Variants in GNAQ observed in about 807,000 individuals in gnomAD.
GNAQ encodes the protein G protein subunit alpha q.
A neutral mutation model predicts 43.9 loss-of-function variants in GNAQ; 8 were observed. That is an observed-to-expected ratio of 0.18 (90% confidence interval 0.11 to 0.33). The LOEUF is 0.33. Ranked by LOEUF, GNAQ falls within the 10% of genes least tolerant of loss-of-function variation. The pLI is 1.00. For synonymous variants in GNAQ, 155 were observed against 170.7 expected, an observed-to-expected ratio of 0.91 and a Z score of 0.71; for missense variants, 158 against 450.8, an observed-to-expected ratio of 0.35 and a Z score of 5.88.
At chr9:77,849,623 C>A (rs1348851754) in intron 2 of GNAQ, among the ~76,000 whole-genome samples, 1 of 152,196 alleles carries the variant, frequency 6.6e-6, no homozygotes, top group Non-Finnish European at 1.5e-5. Context: ...ACCTCCACCA[C>A]AGTTCCACAA....
chr9:77,872,923 G>T (rs991177026), intron 2 of GNAQ, among the ~76,000 whole-genome samples: 1 of 152,204 alleles, frequency 6.6e-6, no homozygotes, highest in Non-Finnish European at 1.5e-5. Context: ...AAACTCCAAG[G>T]TGGAGTCTGA....
intron 1 of GNAQ, among the ~76,000 whole-genome samples, chr9:78,004,773 G>A (rs1215260854): frequency 6.6e-6 from 1 of 152,062 alleles, no homozygotes; most frequent in Non-Finnish European, 1.5e-5. Context: ...ATTTAACATG[G>A]GTTTTGAAAC....
At chr9:77,812,325 C>T (rs369100003) in intron 3 of GNAQ, among the ~76,000 whole-genome samples, 11 of 152,132 alleles carry the variant, frequency 7.2e-5, no homozygotes, top group South Asian at 2.1e-4. Flanking sequence ...GGTGCCACTA[C>T]CCTAACGCCA....
chr9:77,826,134 G>C (rs1033118139), intron 2 of GNAQ, among the ~76,000 whole-genome samples: 10 of 152,124 alleles, frequency 6.6e-5, no homozygotes, highest in African/African-American at 1.9e-4. Context: ...CTATTGTCAA[G>C]AATAATGAGA....
intron 1 of GNAQ, among the ~76,000 whole-genome samples, chr9:77,969,604 T>C (rs1435257456): frequency 6.6e-6 from 1 of 152,220 alleles, no homozygotes; most frequent in Non-Finnish European, 1.5e-5. Context: ...ATTTTACTAA[T>C]ACACTAACAG....
In GNAQ at chr9:77,975,816, G is replaced by A. The variant is rs529389993; in HGVS notation, c.137-53471C>T. Among the ~76,000 whole-genome samples the A allele has an allele frequency of 1.4e-3, 217 of 152,188 alleles. 2 individuals carry two copies. The highest frequency in any genetic ancestry group is 3.9e-3 in the African/African-American group (163 of 41,516). On this transcript the variant is annotated intron_variant, in intron 1 of 6. Transcript: ENST00000286548. The stretch of plus-strand genomic sequence containing the variant: ...CTCCCAAAGTGCTGGGATTACAGGC[G>A]TGAGCCACTGCGCTCAGCCCCGTTA...
rs80172421 is a variant in GNAQ, at chr9:77,826,438, C to A, written c.322-10668G>T. Among the ~76,000 whole-genome samples the A allele has an allele frequency of 6.5e-3, 983 of 152,274 alleles. 5 individuals are homozygous for A. The highest frequency in any genetic ancestry group is 0.021 in the African/African-American group (886 of 41,550). Reference sequence around the variant, plus strand: ...TTCCTGGCTAGAATCCATTAAAAAACGTGCACCTGGGATCTTCTGATGTTC... The same window carrying A: ...TTCCTGGCTAGAATCCATTAAAAAAAGTGCACCTGGGATCTTCTGATGTTC... On this transcript the variant is annotated intron_variant, in intron 2 of 6. Transcript: ENST00000286548.
intron 2 of GNAQ, among the ~76,000 whole-genome samples, chr9:77,878,076 T>C (rs1269730320): frequency 6.6e-6 from 1 of 152,190 alleles, no homozygotes. Context: ...TGCTGGCAAC[T>C]GGCAGAGTTT....
intron 1 of GNAQ, among the ~76,000 whole-genome samples, chr9:77,966,902 A>G (rs1823174195): frequency 6.6e-6 from 1 of 152,124 alleles, no homozygotes; most frequent in African/African-American, 2.4e-5. Context: ...CACCAGGTCC[A>G]CTGCCTCTGC....
intron 6 of GNAQ, among the ~76,000 whole-genome samples, chr9:77,723,615 G>C (rs1825353288): frequency 6.6e-6 from 1 of 152,152 alleles, no homozygotes; most frequent in Non-Finnish European, 1.5e-5. Context: ...CCATAAAAAA[G>C]AGTAAAGCTC....
In GNAQ at chr9:78,031,228, A is replaced by C. The variant is rs1824054666; in HGVS notation, c.8T>G (p.Leu3Arg). 2 of 1,523,424 alleles carry C rather than the reference A, an allele frequency of 1.3e-6. No homozygotes were observed. Among genetic ancestry groups the C allele is most frequent in the African/African-American group, 2.9e-5 (2 of 70,020 alleles). 94.4% of individuals were successfully genotyped at this position (1,523,424 alleles called of 1,614,324 possible). MT[L>R]ESIMACCLSE... ...CAGGCAGCACGCCATGATGGACTCC[A>C]GAGTCATTCTTCCAAAGTGCCTCCG... Residue 3 changes from leucine to arginine, a missense_variant, in exon 1 of 7, where the codon CTG becomes CGG. Leu to Arg is a moderately radical substitution (Grantham distance 102). Coordinates refer to ENST00000286548, the MANE Select transcript of GNAQ (RefSeq NM_002072.5).
intron 2 of GNAQ, among the ~76,000 whole-genome samples, chr9:77,871,539 G>A (rs951273981): frequency 6.6e-6 from 1 of 152,156 alleles, no homozygotes; most frequent in Admixed American, 6.5e-5. Flanking sequence ...AAATCTCGGA[G>A]AGATCCTCAA....
intron 5 of GNAQ, among the ~76,000 whole-genome samples, chr9:77,758,055 A>G (rs1184557290): frequency 6.6e-6 from 1 of 152,242 alleles, no homozygotes; most frequent in Non-Finnish European, 1.5e-5. Context: ...TAAAAATATT[A>G]TATGAATTTA....
intron 2 of GNAQ, among the ~76,000 whole-genome samples, chr9:77,881,220 T>A (rs1564139689): frequency 6.6e-6 from 1 of 152,194 alleles, no homozygotes; most frequent in East Asian, 1.9e-4. Flanking sequence ...GGCAATATAT[T>A]CACACCTACA....
At chr9:77,889,269 G>A (rs1828359720) in intron 2 of GNAQ, among the ~76,000 whole-genome samples, 2 of 151,526 alleles carry the variant, frequency 1.3e-5, no homozygotes, top group South Asian at 2.1e-4. Flanking sequence ...TTAGCCGGGT[G>A]TGGTGGTGCG....
intron 5 of GNAQ, among the ~76,000 whole-genome samples, chr9:77,760,331 T>C (rs1466600174): frequency 3.9e-5 from 6 of 152,230 alleles, no homozygotes; most frequent in South Asian, 4.1e-4. Flanking sequence ...CTCAGCCTGC[T>C]GAGTGCCTGC....
At chr9:77,938,598 C>G (rs767293838) in intron 1 of GNAQ, among the ~76,000 whole-genome samples, 1 of 152,096 alleles carries the variant, frequency 6.6e-6, no homozygotes, top group Non-Finnish European at 1.5e-5. Context: ...ATAGAACAGG[C>G]AGGTTGTGGC....
At chr9:78,020,032 A>G (rs895880336) in intron 1 of GNAQ, among the ~76,000 whole-genome samples, 7 of 152,150 alleles carry the variant, frequency 4.6e-5, no homozygotes, top group African/African-American at 1.7e-4. Flanking sequence ...CATGAAAAAG[A>G]CACAAGAGAA....
chr9:77,979,291 G>C (rs199992237), intron 1 of GNAQ, among the ~76,000 whole-genome samples: 1 of 151,748 alleles, frequency 6.6e-6, no homozygotes, highest in East Asian at 1.9e-4. Context: ...AGGAGGTAGA[G>C]GTTGCGGTGA....
Sources: gnomAD v4.1 joint callset for allele counts (sites outside exome capture counted in the v4.1 genomes callset) on GRCh38, gnomAD v4.1.1 for gene constraint, MANE v1.5 for transcripts, NCBI Gene and HGNC (gene_info 2026-07-23, HGNC 2026-07-21) for gene names.